Variants in EPB41L4A observed in about 807,000 individuals in gnomAD.
The protein encoded by EPB41L4A is band 4.1-like protein 4A.
Under a neutral mutation model 108.6 loss-of-function variants are expected in EPB41L4A, and 100 were observed. That is an observed-to-expected ratio of 0.92 (90% CI 0.78 to 1.09). The LOEUF is 1.09. Among genes scored for constraint, EPB41L4A ranks in the 50% least tolerant of loss-of-function variants. The pLI is 0.00. For missense variants in EPB41L4A, 1,030 were observed against 842.7 expected (o/e 1.22, Z -2.75); for synonymous variants, 319 against 289.0 (o/e 1.10, Z -1.05).
At chr5:112,417,011 G>C (rs539209493) in intron 1 of EPB41L4A, among the ~76,000 whole-genome samples, 1 of 152,222 alleles carries the variant, frequency 6.6e-6, no homozygotes, top group African/African-American at 2.4e-5. Flanking sequence ...GCATGCTTTT[G>C]TGACAAGGAC....
chr5:112,161,400 T>C (rs1329075886), downstream of EPB41L4A: 1 of 431,072 alleles, frequency 2.3e-6, no homozygotes, highest in Non-Finnish European at 4.6e-6. Flanking sequence ...TTCTCTGAAA[T>C]GTATTGTCCG....
intron 18 of EPB41L4A, among the ~76,000 whole-genome samples, chr5:112,175,013 G>T (rs1177773832): frequency 2.0e-5 from 3 of 152,272 alleles, no homozygotes; most frequent in East Asian, 3.9e-4. Flanking sequence ...AGCTGCTGAA[G>T]ATCGCTCAGG....
chr5:112,282,292 G>C (rs1444234506), intron 2 of EPB41L4A, among the ~76,000 whole-genome samples: 2 of 152,214 alleles, frequency 1.3e-5, no homozygotes, highest in Admixed American at 6.5e-5. Flanking sequence ...GGTTCTTCAT[G>C]AAATGGAAAC....
At chr5:112,180,909 T>C (rs1338593392) in intron 18 of EPB41L4A, among the ~76,000 whole-genome samples, 1 of 152,144 alleles carries the variant, frequency 6.6e-6, no homozygotes, top group African/African-American at 2.4e-5. Flanking sequence ...TTGAACACTT[T>C]AAAAATGAAG....
chr5:112,161,793 A>C, downstream of EPB41L4A: 1 of 329,282 alleles, frequency 3.0e-6, no homozygotes, highest in African/African-American at 2.1e-5. Context: ...GATATGTCTT[A>C]AAGCACTTTG....
intron 12 of EPB41L4A, among the ~76,000 whole-genome samples, chr5:112,157,021 T>C (rs1759672126): frequency 6.6e-6 from 1 of 152,038 alleles, no homozygotes; most frequent in Admixed American, 6.6e-5. Context: ...GAGGGCAGGG[T>C]ATTTGCCCCG....
intron 1 of EPB41L4A, among the ~76,000 whole-genome samples, chr5:112,333,863 G>A (rs1756746236): frequency 6.6e-6 from 1 of 152,160 alleles, no homozygotes; most frequent in Non-Finnish European, 1.5e-5. Context: ...TAAATGTAAA[G>A]AAGCAGCTAG....
At chr5:112,236,821 G>T (rs568283237) in intron 11 of EPB41L4A, among the ~76,000 whole-genome samples, 1 of 152,244 alleles carries the variant, frequency 6.6e-6, no homozygotes, top group South Asian at 2.1e-4. Flanking sequence ...CTTTACTTTT[G>T]GAGGCTCCAA....
chr5:112,349,391 G>A (rs1165055381), intron 1 of EPB41L4A, among the ~76,000 whole-genome samples: 1 of 152,148 alleles, frequency 6.6e-6, no homozygotes, highest in Admixed American at 6.5e-5. Flanking sequence ...GAATAGAGGT[G>A]AAGGGAAGGA....
Position 112,205,429 on chromosome 5 carries a change from G to A in EPB41L4A, c.1254C>T (p.Gly418=). 1.2e-6 allele frequency: 2 copies of A among 1,613,036 alleles called. No individual in the cohort carries two copies. Among genetic ancestry groups the A allele is most frequent in the Non-Finnish European group, 1.7e-6 (2 of 1,179,140 alleles). The change falls in exon 14 of 23, where the codon GGC becomes GGT. Residue 418 remains glycine (G), a synonymous_variant. Coordinates refer to ENST00000261486, the MANE Select transcript of EPB41L4A (RefSeq NM_022140.5). ...ACAATGATTCCCTTTACCTCTGGGG[G>A]CCATTTTCTTCCCACGGTGCATGAG... ...SKSHAPWEEN[G]PQSGLYNSPS... is the part of the protein sequence containing the mutation.
intron 2 of EPB41L4A, among the ~76,000 whole-genome samples, chr5:112,281,097 G>T (rs1226285876): frequency 6.6e-6 from 1 of 152,154 alleles, no homozygotes. Flanking sequence ...GGACACCACT[G>T]GACCTTCCTC....
Position 112,384,066 on chromosome 5 carries a change from C to A in EPB41L4A, c.99+34875G>T, listed in dbSNP as rs189191019. ...TATGAAGTGCCCAGAAAATGCAAAT[C>A]TAGAGAGACAGGAAGTAGGTTAGGA... On this transcript the variant is annotated intron_variant, in intron 1 of 22. Transcript: ENST00000261486. Among the ~76,000 whole-genome samples, 13 of 152,224 alleles carry A rather than the reference C, an allele frequency of 8.5e-5. No homozygotes were observed. The East Asian group carries it at 1.9e-3, about 23-fold the overall frequency.
At chr5:112,333,703 T>C (rs185214713) in intron 1 of EPB41L4A, among the ~76,000 whole-genome samples, 2 of 152,200 alleles carry the variant, frequency 1.3e-5, no homozygotes, top group Admixed American at 6.5e-5. Flanking sequence ...CTAATGCCAC[T>C]TTTCCAAGAC....
Position 112,307,455 on chromosome 5 carries a change from T to C in EPB41L4A, c.135A>G (p.Val45=). 6.2e-7 allele frequency: 1 copy of C among 1,613,306 alleles called. No homozygotes were observed. Among genetic ancestry groups the C allele is most frequent in the South Asian group, 1.1e-5 (1 of 91,042 alleles). The change falls in exon 2 of 23, where the codon GTA becomes GTG. Residue 45 remains valine (V), a synonymous_variant. Transcript: ENST00000261486. The stretch of plus-strand genomic sequence containing the variant: ...TCTCCACAAGGTTTACGTGATGGAA[T>C]ACGTGGTCAAGGACAACGGAACCTT... ...STKGSVVLDH[V]FHHVNLVEID...
chr5:112,365,377 G>T (rs1020309193), intron 1 of EPB41L4A, among the ~76,000 whole-genome samples: 1 of 152,016 alleles, frequency 6.6e-6, no homozygotes, highest in East Asian at 1.9e-4. Context: ...ACTTCATTTT[G>T]TATCTCTTCC....
intron 12 of EPB41L4A, among the ~76,000 whole-genome samples, chr5:112,218,228 T>C (rs1747796188): frequency 1.3e-5 from 2 of 152,144 alleles, no homozygotes. Context: ...AGATTTGTAA[T>C]CTACACCAGC....
At chr5:112,379,142 T>A (rs1341967944) in intron 1 of EPB41L4A, among the ~76,000 whole-genome samples, 2 of 152,192 alleles carry the variant, frequency 1.3e-5, no homozygotes, top group Non-Finnish European at 2.9e-5. Context: ...GGGGTCAAGC[T>A]AGCCCACTGG....
At chr5:112,142,351 C>A (rs1450787411), downstream of EPB41L4A, 1 of 152,128 alleles carries the variant, frequency 6.6e-6, no homozygotes, top group Non-Finnish European at 1.5e-5. Context: ...CCTGTAAGCA[C>A]CATTTAAGAA....
intron 1 of EPB41L4A, among the ~76,000 whole-genome samples, chr5:112,362,086 A>C (rs1758803921): frequency 6.6e-6 from 1 of 152,086 alleles, no homozygotes; most frequent in African/African-American, 2.4e-5. Context: ...TATGTAACAC[A>C]ATCATAGCAT....
Sources: gnomAD v4.1 joint callset for allele counts (sites outside exome capture counted in the v4.1 genomes callset) on GRCh38, gnomAD v4.1.1 for gene constraint, MANE v1.5 for transcripts, NCBI Gene and HGNC (gene_info 2026-07-23, HGNC 2026-07-21) for gene names.